Variants in ANK1 observed in about 807,000 individuals in gnomAD.
ANK1 encodes the protein ankyrin-1.
ANK1 carries 51 observed loss-of-function variants against 210.4 expected under a neutral mutation model. The ratio of observed to expected loss-of-function variants is 0.24; its 90% confidence interval spans 0.19 to 0.31. ANK1 has a LOEUF of 0.31. ANK1 is among the 10% of genes least tolerant of loss of function. The pLI, the probability that ANK1 is intolerant of heterozygous loss-of-function variation, is 1.00. For missense variants in ANK1, 2,051 were observed against 2,504.4 expected (o/e 0.82, Z 3.86); for synonymous variants, 967 against 1,025.9 (o/e 0.94, Z 1.10).
At chr8:41,826,219 C>G (rs1051423841) in intron 1 of ANK1, among the ~76,000 whole-genome samples, 1 of 152,178 alleles carries the variant, frequency 6.6e-6, no homozygotes, top group African/African-American at 2.4e-5. Flanking sequence ...TGCAATTGCC[C>G]TATTTTTCTA....
At chr8:41,794,808 G>T (rs1253275664) in intron 1 of ANK1, among the ~76,000 whole-genome samples, 1 of 152,106 alleles carries the variant, frequency 6.6e-6, no homozygotes, top group Non-Finnish European at 1.5e-5. Context: ...AGGTTCAAGC[G>T]ATTCTCCTGC....
intron 23 of ANK1, 138 bp from the exon 24 acceptor site, chr8:41,698,259 GCCT>G: frequency 1.2e-6 from 1 of 815,102 alleles, no homozygotes; most frequent in Non-Finnish European, 2.1e-6. Flanking sequence ...TGGAAGGACC[GCCT>G]CCTCCTCCAT....
rs1160591130 is a variant in ANK1, at chr8:41,746,129, G to A, written c.129+11907C>T. Among the ~76,000 whole-genome samples the A allele has an allele frequency of 3.3e-5, 5 of 152,332 alleles. 1 individual carries two copies. The highest frequency in any genetic ancestry group is 2.1e-4 in the South Asian group (1 of 4,824). On this transcript the variant is annotated intron_variant, in intron 2 of 42. Coordinates refer to ENST00000289734, the MANE Select transcript of ANK1 (RefSeq NM_000037.4). The stretch of plus-strand genomic sequence containing the variant: ...TCAGCCCACAGGGAAACCCGCTGAT[G>A]GGGGAGACCTCTTCTGGAGGGCAGG...
intron 1 of ANK1, among the ~76,000 whole-genome samples, chr8:41,890,111 A>G (rs1467018035): frequency 2.0e-5 from 3 of 152,270 alleles, no homozygotes; most frequent in Non-Finnish European, 4.4e-5. Context: ...AACTTTATGA[A>G]CAATCATTAT....
rs1046961254 is a variant in ANK1, at chr8:41,704,734, G to A, written c.2098-262C>T. ...GCTATGCTGGGGTCGTCAGTGCATG[G>A]GAGATCTGAGAGCTTTGGAGGTGAG... is the stretch of plus-strand genomic sequence containing the variant. On this transcript the variant is annotated intron_variant, in intron 18 of 42. Transcript: ENST00000289734. This position sits in a 1 kb window ranked among gnomAD's most constrained non-coding sequence, Gnocchi z 4.1. Among the ~76,000 whole-genome samples the A allele has an allele frequency of 9.2e-5, 14 of 152,272 alleles. No homozygotes were observed. Among genetic ancestry groups the A allele is most frequent in the African/African-American group, 3.4e-4 (14 of 41,562 alleles).
At chr8:41,674,181 G>A (rs970721872) in intron 37 of ANK1, among the ~76,000 whole-genome samples, 2 of 152,160 alleles carry the variant, frequency 1.3e-5, no homozygotes, top group Non-Finnish European at 2.9e-5. Context: ...CTGCTCCCCT[G>A]CTTTTACATC....
intron 1 of ANK1, among the ~76,000 whole-genome samples, chr8:41,769,859 T>A (rs1842638674): frequency 6.6e-6 from 1 of 151,774 alleles, no homozygotes. Context: ...CATGGCTAAT[T>A]AAAAAAAATT....
At chr8:41,774,066 T>G (rs1422446825) in intron 1 of ANK1, among the ~76,000 whole-genome samples, 1 of 152,030 alleles carries the variant, frequency 6.6e-6, no homozygotes, top group East Asian at 1.9e-4. Flanking sequence ...CAAAATGCCT[T>G]GAGATTAAGC....
At chr8:41,814,502 T>A (rs1563831667) in intron 1 of ANK1, among the ~76,000 whole-genome samples, 1 of 152,318 alleles carries the variant, frequency 6.6e-6, no homozygotes, top group East Asian at 1.9e-4. Flanking sequence ...TCTGGTGGTA[T>A]GATCATAAAG....
At chr8:41,674,995 C>T (rs561777272) in intron 37 of ANK1, among the ~76,000 whole-genome samples, 4 of 152,324 alleles carry the variant, frequency 2.6e-5, no homozygotes, top group African/African-American at 9.6e-5. Context: ...ATAGAAAACC[C>T]TCCACATATA....
intron 37 of ANK1, chr8:41,684,333 C>T (rs1308947131): frequency 7.6e-6 from 6 of 787,716 alleles, no homozygotes; most frequent in East Asian, 2.6e-5. Context: ...AAGGCGGAGG[C>T]GATGCCCACC....
chr8:41,845,941 C>A (rs149647538), intron 1 of ANK1, among the ~76,000 whole-genome samples: 376 of 152,266 alleles, frequency 2.5e-3, no homozygotes, highest in African/African-American at 8.8e-3. Flanking sequence ...ATCTTTTTCC[C>A]CCTACCTTCT....
chr8:41,884,229 T>A (rs1818069243), intron 1 of ANK1, among the ~76,000 whole-genome samples: 1 of 152,096 alleles, frequency 6.6e-6, no homozygotes, highest in Admixed American at 6.5e-5. Context: ...GTGCCTGTAA[T>A]CCCAGCTACT....
intron 1 of ANK1, among the ~76,000 whole-genome samples, chr8:41,780,925 G>C (rs556822593): frequency 2.6e-5 from 4 of 151,974 alleles, no homozygotes; most frequent in African/African-American, 9.7e-5. Flanking sequence ...TTGGGGGAGA[G>C]GATGACAAGG....
upstream of ANK1, chr8:41,797,730 C>G (rs923081262): frequency 4.0e-6 from 3 of 740,960 alleles, no homozygotes; most frequent in South Asian, 2.4e-5. The surrounding 1 kb of genome is among the most constrained non-coding windows in gnomAD (Gnocchi z 4.0). Context: ...GGGTGGCGCC[C>G]GCCTGGGGAC....
rs190228648 is a variant in ANK1, at chr8:41,661,602, G to A, written c.5545-38C>T. ...GCAGAGACAGAAAGCAGGACAGATC[G>A]CAAAGACGGGCAGAACACAGGCAGA... On this transcript the variant is annotated intron_variant, in intron 41 of 42. Transcript: ENST00000289734. The A allele has an allele frequency of 5.5e-5, 89 of 1,612,314 alleles. 1 individual carries two copies. The East Asian group carries it at 1.2e-3, about 23-fold the overall frequency.
chr8:41,864,812 G>A (rs1191921458), intron 1 of ANK1, among the ~76,000 whole-genome samples: 7 of 152,036 alleles, frequency 4.6e-5, no homozygotes, highest in Non-Finnish European at 7.3e-5. Flanking sequence ...CCCCTCCCTC[G>A]GCTCCCTGAC....
At chr8:41,742,892 G>A (rs1835131453) in intron 2 of ANK1, among the ~76,000 whole-genome samples, 1 of 152,228 alleles carries the variant, frequency 6.6e-6, no homozygotes, top group Admixed American at 6.5e-5. Flanking sequence ...TAAGGAGGAA[G>A]TTGTCTACAT....
At chr8:41,858,157 G>A (rs942717905) in intron 1 of ANK1, among the ~76,000 whole-genome samples, 4 of 152,104 alleles carry the variant, frequency 2.6e-5, no homozygotes, top group Middle Eastern at 3.4e-3. Context: ...ACTTGAGCCC[G>A]GGAATTGGAG....
Sources: gnomAD v4.1 joint callset for allele counts (sites outside exome capture counted in the v4.1 genomes callset) on GRCh38, gnomAD v4.1.1 for gene constraint, Gnocchi (gnomAD v3.1) non-coding constraint, MANE v1.5 for transcripts, NCBI Gene and HGNC (gene_info 2026-07-23, HGNC 2026-07-21) for gene names.